The following UMAD1 variants were observed in gnomAD, a reference collection of about 807,000 sequenced individuals.
The protein encoded by UMAD1 is UBAP1-MVB12-associated (UMA)-domain containing protein 1.
UMAD1 carries 8 observed loss-of-function variants against 6.1 expected under a neutral mutation model. The ratio of observed to expected loss-of-function variants is 1.30; its 90% CI spans 0.76 to 2.35. UMAD1 has a LOEUF of 2.35. Ranked by LOEUF, UMAD1 falls within the 30% of genes most tolerant of loss-of-function variation. The pLI is 0.00. For missense variants in UMAD1, 130 were observed against 78.4 expected (o/e 1.66, Z -2.49); for synonymous variants, 56 against 31.4 (o/e 1.78, Z -2.61).
intron 3 of UMAD1, among the ~76,000 whole-genome samples, chr7:7,838,606 T>C (rs945264905): frequency 1.3e-5 from 2 of 152,206 alleles, no homozygotes; most frequent in African/African-American, 2.4e-5. Flanking sequence ...CCTGGTCATA[T>C]GCTCTGGATG....
chr7:7,761,921 C>G (rs981717837), intron 2 of UMAD1, among the ~76,000 whole-genome samples: 7 of 152,146 alleles, frequency 4.6e-5, no homozygotes, highest in Non-Finnish European at 1.0e-4. Context: ...CCTTTTCCCT[C>G]AGTTTCCATT....
intron 3 of UMAD1, among the ~76,000 whole-genome samples, chr7:7,814,005 G>A (rs537081556): frequency 6.7e-6 from 1 of 149,292 alleles, no homozygotes; most frequent in South Asian, 2.1e-4. Context: ...TTTTTTTTGA[G>A]ACGGAGTCTC....
intron 2 of UMAD1, among the ~76,000 whole-genome samples, chr7:7,770,228 T>C (rs1782073023): frequency 6.6e-6 from 1 of 152,130 alleles, no homozygotes. Context: ...CAAACTTACC[T>C]TCATCACATT....
intron 3 of UMAD1, among the ~76,000 whole-genome samples, chr7:7,828,982 A>C (rs17494426): frequency 0.068 from 10,286 of 152,264 alleles, 437 homozygotes; most frequent in Non-Finnish European, 0.099. Context: ...TCAAAATGCA[A>C]ACATGGAACA....
At chr7:7,796,670 A>G (rs1003451281) in intron 2 of UMAD1, among the ~76,000 whole-genome samples, 3 of 152,210 alleles carry the variant, frequency 2.0e-5, no homozygotes, top group African/African-American at 7.2e-5. Context: ...CACTAGAATC[A>G]TAAGCTCTTG....
chr7:7,776,606 GAAAC>G (rs991263940), intron 2 of UMAD1, among the ~76,000 whole-genome samples: 4 of 152,124 alleles, frequency 2.6e-5, no homozygotes, highest in African/African-American at 9.7e-5. Flanking sequence ...TCTCTAATGT[GAAAC>G]AAAGACAGCA....
At chr7:7,785,053 G>A (rs181441315) in intron 2 of UMAD1, among the ~76,000 whole-genome samples, 151 of 152,286 alleles carry the variant, frequency 9.9e-4, no homozygotes, top group Non-Finnish European at 1.8e-3. Flanking sequence ...AACTTTTCCT[G>A]TATGGTCATT....
intron 1 of UMAD1, among the ~76,000 whole-genome samples, chr7:7,672,602 G>T (rs1346685490): frequency 6.6e-6 from 1 of 152,190 alleles, no homozygotes; most frequent in Admixed American, 6.5e-5. Flanking sequence ...TCTCGTGATA[G>T]TGAGTGAGTT....
intron 3 of UMAD1, among the ~76,000 whole-genome samples, chr7:7,860,784 A>C (rs13309006): frequency 1.1e-5 from 1 of 92,132 alleles, no homozygotes; most frequent in Non-Finnish European, 2.3e-5. Context: ...CAAAAAAAAA[A>C]AAAATAACAA....
intron 2 of UMAD1, among the ~76,000 whole-genome samples, chr7:7,776,981 G>T (rs776808265): frequency 6.6e-6 from 1 of 152,224 alleles, no homozygotes; most frequent in Admixed American, 6.5e-5. Context: ...AAATGCAGGT[G>T]TATCTTTTTA....
rs563347797 is a variant in UMAD1 at position 7,823,442 on chromosome 7, A to C, written c.156+21699A>C. ...ATTTGATCTGGCAACCCCCGCCATA[A>C]CTCAGCCCTCTTATTAACTCAAAGA... On this transcript the variant is annotated intron_variant, in intron 3 of 3. Transcript: ENST00000682710. Among the ~76,000 whole-genome samples the C allele has an allele frequency of 8.5e-5, 13 of 152,194 alleles. No individual in the cohort carries two copies. The South Asian group carries it at 2.7e-3, about 32-fold the overall frequency.
At chr7:7,853,371 A>G (rs1783955478) in intron 3 of UMAD1, among the ~76,000 whole-genome samples, 1 of 152,196 alleles carries the variant, frequency 6.6e-6, no homozygotes, top group Non-Finnish European at 1.5e-5. Flanking sequence ...GATTCTGATA[A>G]GGATTGCATT....
At chr7:7,748,103 A>ATTTTTTTTTTTTTTTTTTTTTTTT (rs35368211) in intron 2 of UMAD1, among the ~76,000 whole-genome samples, 1 of 140,176 alleles carries the variant, frequency 7.1e-6, no homozygotes, top group Admixed American at 7.0e-5. Flanking sequence ...CGCCCAGCTA[A>ATTTTTTTTTTTTTTTTTTTTTTTT]TTTTTTTTTT....
chr7:7,673,906 T>G (rs968403988), intron 2 of UMAD1, among the ~76,000 whole-genome samples: 1 of 152,208 alleles, frequency 6.6e-6, no homozygotes, highest in Non-Finnish European at 1.5e-5. Context: ...TTAAGACTAT[T>G]TTCTATTATA....
chr7:7,735,209 TAC>T (rs1781328675), intron 2 of UMAD1, among the ~76,000 whole-genome samples: 2 of 151,474 alleles, frequency 1.3e-5, no homozygotes, highest in East Asian at 3.9e-4. Flanking sequence ...CTCTTGAGGA[TAC>T]AGACATTTTG....
intron 2 of UMAD1, among the ~76,000 whole-genome samples, chr7:7,792,846 G>A (rs1032157603): frequency 6.6e-6 from 1 of 152,138 alleles, no homozygotes; most frequent in African/African-American, 2.4e-5. Context: ...TTTTTGGTTC[G>A]TAGAAGGCAT....
chr7:7,663,163 T>C (rs1490405592), intron 1 of UMAD1, among the ~76,000 whole-genome samples: 5 of 138,006 alleles, frequency 3.6e-5, no homozygotes, highest in Admixed American at 3.3e-4. Flanking sequence ...ACTTTTTTTT[T>C]CTTCCTATTT....
At chr7:7,764,804 A>G (rs555755786) in intron 2 of UMAD1, among the ~76,000 whole-genome samples, 1 of 152,188 alleles carries the variant, frequency 6.6e-6, no homozygotes, top group African/African-American at 2.4e-5. Flanking sequence ...CCCTTTCTCT[A>G]AGCACCCTTT....
chr7:7,813,261 G>A (rs1783058552), intron 3 of UMAD1, among the ~76,000 whole-genome samples: 1 of 152,110 alleles, frequency 6.6e-6, no homozygotes, highest in Non-Finnish European at 1.5e-5. Flanking sequence ...TGTCGCCCAG[G>A]CTGGACAACC....
Sources: allele counts gnomAD v4.1 joint callset (sites outside exome capture counted in the v4.1 genomes callset), GRCh38; gene constraint gnomAD v4.1.1; transcripts MANE v1.5; gene names NCBI Gene and HGNC (gene_info 2026-07-23, HGNC 2026-07-21).